JARID2: variants seen among roughly 807,000 people sequenced by gnomAD.
JARID2 encodes the protein protein Jumonji.
A neutral mutation model predicts 125.6 loss-of-function variants in JARID2; 21 were observed. The ratio of observed to expected loss-of-function variants is 0.17; its 90% CI spans 0.12 to 0.24. The LOEUF (loss-of-function observed/expected upper bound fraction) is 0.24, where lower values mean the gene tolerates loss of function less well. JARID2 is among the 10% of genes least tolerant of loss of function. The probability of loss-of-function intolerance (pLI) is 1.00; values close to 1 mark genes in which losing one functional copy is unlikely to be tolerated. For missense variants in JARID2, 1,303 were observed against 1,639.6 expected (o/e 0.79, Z 3.55); for synonymous variants, 736 against 661.6 (o/e 1.11, Z -1.73).
At chr6:15,445,072 G>T (rs921164735) in intron 3 of JARID2, among the ~76,000 whole-genome samples, 6 of 152,030 alleles carry the variant, frequency 3.9e-5, no homozygotes, top group African/African-American at 1.4e-4. Flanking sequence ...CCGCAGTCAG[G>T]GCTACCCTAG....
At chr6:15,272,240 TC>T (rs1420915840) in intron 1 of JARID2, among the ~76,000 whole-genome samples, 1 of 152,246 alleles carries the variant, frequency 6.6e-6, no homozygotes, top group Non-Finnish European at 1.5e-5. Flanking sequence ...TGTTGTCCTT[TC>T]TGAAGACCAT....
At chr6:15,501,542 C>A in intron 8 of JARID2, 133 bp downstream of exon 8, 1 of 790,182 alleles carries the variant, frequency 1.3e-6, no homozygotes, top group Non-Finnish European at 1.9e-6. Context: ...GGCCACTGTG[C>A]TGGGTGATAG....
chr6:15,369,871 A>G (rs1764102003), intron 1 of JARID2, among the ~76,000 whole-genome samples: 1 of 152,222 alleles, frequency 6.6e-6, no homozygotes, highest in Non-Finnish European at 1.5e-5. Flanking sequence ...TTTCTTACAG[A>G]GAACACTGCA....
intron 4 of JARID2, 167 bp downstream of exon 4, chr6:15,452,342 G>A (rs1767955766): frequency 1.6e-6 from 1 of 617,904 alleles, no homozygotes; most frequent in Admixed American, 6.4e-5. Flanking sequence ...AGTGTGTGCT[G>A]GGTGTGGCTT....
chr6:15,352,957 G>A (rs1260964431), intron 1 of JARID2, among the ~76,000 whole-genome samples: 1 of 152,188 alleles, frequency 6.6e-6, no homozygotes, highest in African/African-American at 2.4e-5. Context: ...TGAGTTGATG[G>A]ACACTTGGCT....
chr6:15,308,750 G>A (rs1412952703), intron 1 of JARID2, among the ~76,000 whole-genome samples: 3 of 152,198 alleles, frequency 2.0e-5, no homozygotes, highest in African/African-American at 4.8e-5. Context: ...GTAAAAACAC[G>A]TGGTCACTAA....
intron 1 of JARID2, among the ~76,000 whole-genome samples, chr6:15,372,058 C>T (rs143888596): frequency 8.2e-4 from 125 of 152,260 alleles, no homozygotes; most frequent in African/African-American, 2.9e-3. Flanking sequence ...AACGAAAGTG[C>T]AGCTTAAGTT....
At position 15,475,761 on chromosome 6, in the gene JARID2, A is replaced by G. The variant is rs191038351; in HGVS notation, c.670+7043A>G. Among the ~76,000 whole-genome samples, 15 of 152,356 alleles carry G rather than the reference A, an allele frequency of 9.8e-5. No homozygotes were observed. The East Asian group carries it at 2.9e-3, about 29-fold the overall frequency. On this transcript the variant is annotated intron_variant, in intron 5 of 17. Transcript: ENST00000341776. Reference sequence around the variant, plus strand: ...TAGTTAGTTAAGAAGGTGAGAGCTCAGTCTTCCCTCCTCACACCTCAGTTT... The same window carrying G: ...TAGTTAGTTAAGAAGGTGAGAGCTCGGTCTTCCCTCCTCACACCTCAGTTT...
chr6:15,261,375 C>A (rs1165749038), intron 1 of JARID2, among the ~76,000 whole-genome samples: 1 of 142,240 alleles, frequency 7.0e-6, no homozygotes, highest in Non-Finnish European at 1.5e-5. Context: ...AGTGCAGTGG[C>A]GCTATCTTGG....
intron 1 of JARID2, among the ~76,000 whole-genome samples, chr6:15,300,722 TGAGAGA>T (rs57766040): frequency 2.0e-3 from 224 of 111,172 alleles, no homozygotes; most frequent in Admixed American, 2.7e-3. Context: ...TGTGTGTGTG[TGAGAGA>T]GAGAGAGAGA....
chr6:15,463,420 C>A (rs1334661888), intron 4 of JARID2, among the ~76,000 whole-genome samples: 1 of 120,770 alleles, frequency 8.3e-6, no homozygotes, highest in Non-Finnish European at 1.6e-5. Context: ...TTGTGGAGCC[C>A]TTTCCTTTTT....
intron 4 of JARID2, 139 bp downstream of exon 4, chr6:15,452,314 G>T: frequency 7.8e-7 from 1 of 1,276,236 alleles, no homozygotes. Context: ...AATTGAAAGT[G>T]AGAAATCCCA....
intron 3 of JARID2, among the ~76,000 whole-genome samples, chr6:15,431,171 A>G (rs182776659): frequency 1.1e-4 from 16 of 152,294 alleles, no homozygotes; most frequent in African/African-American, 3.8e-4. Flanking sequence ...GCCTCCTGCA[A>G]TTCAGCCTAA....
intron 3 of JARID2, among the ~76,000 whole-genome samples, chr6:15,411,170 G>T (rs893297440): frequency 7.4e-6 from 1 of 135,510 alleles, no homozygotes. Flanking sequence ...GTTCGTTTCC[G>T]GGATTGAAGG....
intron 6 of JARID2, among the ~76,000 whole-genome samples, chr6:15,489,700 G>A (rs537956183): frequency 1.6e-4 from 25 of 152,366 alleles, no homozygotes; most frequent in African/African-American, 5.8e-4. Flanking sequence ...GCAGGAAAGA[G>A]GTCCTGGGGT....
At chr6:15,488,952 G>C (rs1770014408) in intron 6 of JARID2, among the ~76,000 whole-genome samples, 2 of 152,292 alleles carry the variant, frequency 1.3e-5, no homozygotes, top group Admixed American at 6.5e-5. Flanking sequence ...AGCACTGGAG[G>C]CACAAAGCCC....
intron 3 of JARID2, among the ~76,000 whole-genome samples, chr6:15,437,303 T>C (rs1280753748): frequency 6.6e-6 from 1 of 152,210 alleles, no homozygotes; most frequent in Non-Finnish European, 1.5e-5. Context: ...AGGCTTCCTG[T>C]TCAGACCTGA....
chr6:15,351,620 A>C (rs952134771), intron 1 of JARID2, among the ~76,000 whole-genome samples: 8 of 152,164 alleles, frequency 5.3e-5, no homozygotes, highest in African/African-American at 1.7e-4. Context: ...ACCGACTTGC[A>C]CCTGTGTTCT....
At chr6:15,249,828 C>T (rs1373481509) in intron 1 of JARID2, among the ~76,000 whole-genome samples, 6 of 152,128 alleles carry the variant, frequency 3.9e-5, no homozygotes, top group Non-Finnish European at 7.3e-5. Flanking sequence ...GCAGTGTAAT[C>T]CTGTCTTAAT....
Sources: allele counts gnomAD v4.1 joint callset (sites outside exome capture counted in the v4.1 genomes callset), GRCh38; gene constraint gnomAD v4.1.1; transcripts MANE v1.5; gene names NCBI Gene and HGNC (gene_info 2026-07-23, HGNC 2026-07-21).